KCNT2: variants seen among roughly 807,000 people sequenced by gnomAD.
KCNT2 encodes potassium sodium-activated channel subfamily T member 2.
A neutral mutation model predicts 153.8 loss-of-function variants in KCNT2; 67 were observed. That is an observed-to-expected ratio of 0.44 (90% CI 0.36 to 0.53). KCNT2 has a LOEUF of 0.53. Ranked by LOEUF, KCNT2 falls within the 20% of genes least tolerant of loss-of-function variation. The probability of loss-of-function intolerance (pLI) is 0.00; values close to 1 mark genes in which losing one functional copy is unlikely to be tolerated. For missense variants in KCNT2, 975 were observed against 1,354.8 expected, an observed-to-expected ratio of 0.72 and a Z score of 4.40; for synonymous variants, 500 against 458.8, an observed-to-expected ratio of 1.09 and a Z score of -1.15.
At chr1:196,466,489 T>C (rs1050530265) in intron 7 of KCNT2, among the ~76,000 whole-genome samples, 4 of 152,076 alleles carry the variant, frequency 2.6e-5, no homozygotes, top group African/African-American at 9.7e-5. Flanking sequence ...TTAGTCATAA[T>C]GTCATTTTAA....
chr1:196,326,714 T>C lies in KCNT2; in HGVS notation c.2276+3A>G. The C allele has an allele frequency of 6.7e-7, 1 of 1,491,344 alleles. No individual in the cohort carries two copies. Among genetic ancestry groups the C allele is most frequent in the East Asian group, 2.5e-5 (1 of 39,876 alleles). The allele number at this position is 1,491,344 out of a possible 1,614,324, so 92.4% of individuals were successfully genotyped here. On this transcript the variant is annotated splice_donor_region_variant and intron_variant, in intron 19 of 27. Coordinates refer to ENST00000294725, the MANE Select transcript of KCNT2 (RefSeq NM_198503.5). ...TTGTTTGTGTATCTTAAAATATACT[T>C]ACGGGTTATCCAATAGCAGTACTAT...
At chr1:196,592,417 GAT>G (rs1018710148) in intron 1 of KCNT2, among the ~76,000 whole-genome samples, 2 of 147,184 alleles carry the variant, frequency 1.4e-5, no homozygotes, top group African/African-American at 5.0e-5. Context: ...AGATAAAAAA[GAT>G]ATATATATAT....
At chr1:196,276,274 T>A (rs1228686453) in intron 25 of KCNT2, among the ~76,000 whole-genome samples, 1 of 152,064 alleles carries the variant, frequency 6.6e-6, no homozygotes, top group African/African-American at 2.4e-5. Flanking sequence ...TATATAGGTA[T>A]GTGGTTAGTA....
chr1:196,423,659 A>G (rs1369878324), intron 11 of KCNT2, among the ~76,000 whole-genome samples: 2 of 151,628 alleles, frequency 1.3e-5, no homozygotes, highest in African/African-American at 4.8e-5. Flanking sequence ...ATGATGTTCT[A>G]AGAGCACAAG....
intron 22 of KCNT2, 104 bp downstream of exon 22, chr1:196,305,130 C>G: frequency 1.4e-6 from 1 of 692,206 alleles, no homozygotes; most frequent in East Asian, 2.8e-5. Flanking sequence ...TTCAAAACAG[C>G]ATTTTAGTTT....
At chr1:196,399,089 C>CTGTGTG (rs1181447630) in intron 12 of KCNT2, among the ~76,000 whole-genome samples, 4 of 99,768 alleles carry the variant, frequency 4.0e-5, no homozygotes, top group African/African-American at 1.3e-4. Context: ...TAATTTTGAC[C>CTGTGTG]TGTGTGTATG....
At chr1:196,317,023 G>T (rs924104023) in intron 20 of KCNT2, among the ~76,000 whole-genome samples, 5 of 151,666 alleles carry the variant, frequency 3.3e-5, no homozygotes, top group African/African-American at 1.2e-4. Context: ...TTTCTCTTAG[G>T]TTTTTAAATT....
At chr1:196,450,753 C>G (rs551030551) in intron 8 of KCNT2, among the ~76,000 whole-genome samples, 1 of 151,980 alleles carries the variant, frequency 6.6e-6, no homozygotes, top group East Asian at 2.0e-4. Context: ...CTGCTCTTGT[C>G]TCCCCACAGC....
chr1:196,408,239 T>A (rs1010613511), intron 12 of KCNT2, among the ~76,000 whole-genome samples: 3 of 151,524 alleles, frequency 2.0e-5, no homozygotes, highest in African/African-American at 7.3e-5. Flanking sequence ...GGACGAAAGT[T>A]TTACACCCTT....
In KCNT2 at chr1:196,326,904, G is replaced by A; in HGVS notation, c.2104-15C>T. 2 of 1,486,064 alleles carry A rather than the reference G, an allele frequency of 1.3e-6. No individual in the cohort carries two copies. Among genetic ancestry groups the A allele is most frequent in the African/African-American group, 1.5e-5 (1 of 68,514 alleles). The allele number at this position is 1,486,064 out of a possible 1,614,324, so 92.1% of individuals were successfully genotyped here. On this transcript the variant is annotated splice_polypyrimidine_tract_variant and intron_variant, in intron 18 of 27. Coordinates refer to ENST00000294725, the MANE Select transcript of KCNT2 (RefSeq NM_198503.5). ...TGTTGGCAACTCTAGAGAAGAGAAA[G>A]TATACATTGAAATGCCATTTGGATA...
Position 196,242,631 on chromosome 1 carries a change from G to A in KCNT2, c.3212-6561C>T, listed in dbSNP as rs777003792. 3.3e-5 allele frequency among the ~76,000 whole-genome samples: 5 copies of A among 151,914 alleles called. No homozygotes were observed. The East Asian group carries it at 5.8e-4, about 18-fold the overall frequency. On this transcript the variant is annotated intron_variant, in intron 26 of 27. Coordinates refer to ENST00000294725, the MANE Select transcript of KCNT2 (RefSeq NM_198503.5). Reference sequence around the variant, plus strand: ...CATGATATTCATTATTTTTGTGTTCGATTAAGTCATTCAGTAATGATAACA... The same window carrying A: ...CATGATATTCATTATTTTTGTGTTCAATTAAGTCATTCAGTAATGATAACA...
intron 1 of KCNT2, among the ~76,000 whole-genome samples, chr1:196,595,252 T>C (rs1469673938): frequency 6.6e-6 from 1 of 152,174 alleles, no homozygotes; most frequent in African/African-American, 2.4e-5. Flanking sequence ...TATATTGATA[T>C]TAATGAATTA....
At chr1:196,509,595 A>C (rs1224837705) in intron 1 of KCNT2, among the ~76,000 whole-genome samples, 1 of 152,230 alleles carries the variant, frequency 6.6e-6, no homozygotes, top group Non-Finnish European at 1.5e-5. Flanking sequence ...AAAGTATGAA[A>C]AGCCAAAACA....
At chr1:196,602,052 A>G (rs1206824644) in intron 1 of KCNT2, among the ~76,000 whole-genome samples, 3 of 152,126 alleles carry the variant, frequency 2.0e-5, no homozygotes, top group Non-Finnish European at 4.4e-5. Flanking sequence ...CCCATATCCA[A>G]TCAAGGATTG....
At chr1:196,252,905 A>T (rs1656111863) in intron 26 of KCNT2, among the ~76,000 whole-genome samples, 1 of 151,294 alleles carries the variant, frequency 6.6e-6, no homozygotes, top group Non-Finnish European at 1.5e-5. Context: ...AAAGTTTCTA[A>T]CAAGAAGTCT....
chr1:196,240,681 G>A (rs1198864987), intron 26 of KCNT2, among the ~76,000 whole-genome samples: 1 of 151,966 alleles, frequency 6.6e-6, no homozygotes, highest in East Asian at 1.9e-4. Context: ...ACTAAAGTGA[G>A]AGAGGAGAAG....
intron 1 of KCNT2, among the ~76,000 whole-genome samples, chr1:196,598,669 T>C (rs1326111572): frequency 6.6e-6 from 1 of 152,218 alleles, no homozygotes; most frequent in Non-Finnish European, 1.5e-5. Context: ...GTAAACATAG[T>C]GAATAGGCAT....
intron 12 of KCNT2, among the ~76,000 whole-genome samples, chr1:196,420,926 G>C (rs998874312): frequency 1.3e-5 from 2 of 151,868 alleles, no homozygotes; most frequent in African/African-American, 2.4e-5. Flanking sequence ...ATATGTACAG[G>C]GGTTCAAAGA....
intron 26 of KCNT2, among the ~76,000 whole-genome samples, chr1:196,252,523 G>A (rs984243695): frequency 1.3e-5 from 2 of 151,496 alleles, no homozygotes; most frequent in African/African-American, 2.4e-5. Flanking sequence ...TACATTATAC[G>A]TCAGTTTTTC....
Sources: gnomAD v4.1 joint callset for allele counts (sites outside exome capture counted in the v4.1 genomes callset) on GRCh38, gnomAD v4.1.1 for gene constraint, MANE v1.5 for transcripts, NCBI Gene and HGNC (gene_info 2026-07-23, HGNC 2026-07-21) for gene names.